The following DNAH6 variants were observed in gnomAD, a reference collection of about 807,000 sequenced individuals.
The protein encoded by DNAH6 is dynein axonemal heavy chain 6, also known as axonemal beta dynein heavy chain 6.
In DNAH6, 340 loss-of-function variants were observed where a neutral mutation model predicts 491.4. The observed-to-expected ratio is 0.69, with a 90% CI of 0.63 to 0.76. DNAH6 has a LOEUF of 0.76. DNAH6 is among the 30% of genes least tolerant of loss of function. DNAH6 has a pLI of 0.00. For synonymous variants in DNAH6, 1,603 were observed against 1,686.1 expected, an observed-to-expected ratio of 0.95 and a Z score of 1.21; for missense variants, 4,443 against 4,972.2, an observed-to-expected ratio of 0.89 and a Z score of 3.20.
intron 33 of DNAH6, among the ~76,000 whole-genome samples, chr2:84,652,733 ATTTAGCT>A (rs1249219902): frequency 1.3e-5 from 2 of 152,076 alleles, no homozygotes; most frequent in Non-Finnish European, 2.9e-5. Context: ...TGAGGTAAAG[ATTTAGCT>A]TCTTTTTTCC....
In DNAH6 at chr2:84,621,365, A is replaced by G. The variant is rs1687378090; in HGVS notation, c.3957+10A>G. On this transcript the variant is annotated intron_variant, in intron 25 of 76. Coordinates refer to ENST00000389394, the MANE Select transcript of DNAH6 (RefSeq NM_001370.2). ...TGGCCACCCTTCTCAAGTAACTCAC[A>G]CTCACATTTCATATCCCTGAATTCT... is the stretch of plus-strand genomic sequence containing the variant. The G allele has an allele frequency of 3.2e-6, 5 of 1,550,838 alleles. No homozygotes were observed. The highest frequency in any genetic ancestry group is 3.5e-6 in the Non-Finnish European group (4 of 1,146,432).
At position 84,619,914 on chromosome 2, in the gene DNAH6, T is replaced by C; in HGVS notation, c.3792+10T>C. ...ACCAGAGGGAGAAAGGGTGAGGTGC[T>C]TTTATTTATATTTCTTTATTGATGA... On this transcript the variant is annotated intron_variant, in intron 24 of 76. Transcript: ENST00000389394. 1 of 1,543,592 alleles carries C rather than the reference T, an allele frequency of 6.5e-7. No homozygotes were observed. The highest frequency in any genetic ancestry group is 1.2e-5 in the South Asian group (1 of 83,730).
intron 30 of DNAH6, among the ~76,000 whole-genome samples, chr2:84,635,589 TA>T (rs1445920053): frequency 2.0e-5 from 3 of 151,926 alleles, no homozygotes; most frequent in Non-Finnish European, 4.4e-5. Flanking sequence ...GTATATGGAG[TA>T]AGGGGACAGG....
At chr2:84,628,318 T>G (rs1252384852) in intron 29 of DNAH6, among the ~76,000 whole-genome samples, 1 of 152,202 alleles carries the variant, frequency 6.6e-6, no homozygotes, top group Non-Finnish European at 1.5e-5. Flanking sequence ...TAAATGTCCC[T>G]TCATGTGTGG....
At chr2:84,575,075 T>C (rs1682288936) in intron 12 of DNAH6, among the ~76,000 whole-genome samples, 2 of 152,142 alleles carry the variant, frequency 1.3e-5, no homozygotes, top group African/African-American at 2.4e-5. Context: ...CTAACCTCTG[T>C]GCTCCTCCTC....
chr2:84,734,568 TG>T (rs1243705058), intron 62 of DNAH6, among the ~76,000 whole-genome samples: 2 of 152,230 alleles, frequency 1.3e-5, no homozygotes, highest in Non-Finnish European at 2.9e-5. Flanking sequence ...GTGCATGTTT[TG>T]TTTATATAAA....
At chr2:84,473,333 TA>T in the DNAH6 span, among the ~76,000 whole-genome samples, 1 of 152,234 alleles carries the variant, frequency 6.6e-6, no homozygotes, top group Admixed American at 6.5e-5. Flanking sequence ...TTGCTTGTCC[TA>T]CTAGCACAGC....
chr2:84,803,279 T>C (rs574913418), intron 70 of DNAH6, among the ~76,000 whole-genome samples: 3 of 152,120 alleles, frequency 2.0e-5, no homozygotes, highest in East Asian at 1.9e-4. Flanking sequence ...ATGGGAACAA[T>C]AGACCCTGGG....
intron 64 of DNAH6, among the ~76,000 whole-genome samples, chr2:84,769,616 G>A (rs1675424804): frequency 6.6e-6 from 1 of 152,048 alleles, no homozygotes; most frequent in Non-Finnish European, 1.5e-5. Flanking sequence ...TGTTTGTTTT[G>A]GCCTGTCTGG....
At chr2:84,596,781 A>G (rs1266033291) in intron 18 of DNAH6, among the ~76,000 whole-genome samples, 1 of 152,122 alleles carries the variant, frequency 6.6e-6, no homozygotes, top group Admixed American at 6.5e-5. Flanking sequence ...CCTTTAGCTT[A>G]CAATATCTAG....
chr2:84,688,617 T>C lies in DNAH6; in HGVS notation c.7292+24T>C, dbSNP rs542734659. Reference sequence around the variant, plus strand: ...AGGTATAGTGCTATAAGGCGCCCAATAATGCATTGATTTAATATTTTTTGT... The same window carrying C: ...AGGTATAGTGCTATAAGGCGCCCAACAATGCATTGATTTAATATTTTTTGT... On this transcript the variant is annotated intron_variant, in intron 45 of 76. Transcript: ENST00000389394. 1.2e-5 allele frequency: 18 copies of C among 1,494,730 alleles called. No homozygotes were observed. The Admixed American group carries it at 4.8e-4, about 40-fold the overall frequency. The allele number at this position is 1,494,730 out of a possible 1,614,324, so 92.6% of individuals were successfully genotyped here.
intron 63 of DNAH6, among the ~76,000 whole-genome samples, chr2:84,760,937 C>T (rs1452058031): frequency 6.6e-6 from 1 of 152,056 alleles, no homozygotes; most frequent in Non-Finnish European, 1.5e-5. Flanking sequence ...GTAAAAAGAA[C>T]TATCATTTGA....
intron 10 of DNAH6, among the ~76,000 whole-genome samples, chr2:84,556,759 GA>G (rs1485703871): frequency 6.6e-6 from 1 of 152,192 alleles, no homozygotes; most frequent in Non-Finnish European, 1.5e-5. Context: ...TACAGAGATA[GA>G]TATAGATACA....
the DNAH6 span, among the ~76,000 whole-genome samples, chr2:84,480,824 A>G: frequency 2.0e-5 from 3 of 152,134 alleles, no homozygotes; most frequent in Non-Finnish European, 4.4e-5. Context: ...TTAGCTGAGC[A>G]TGGTGACAGG....
intron 22 of DNAH6, 38 bp downstream of exon 22, chr2:84,611,892 A>G (rs1253003278): frequency 4.6e-6 from 7 of 1,513,908 alleles, no homozygotes; most frequent in Non-Finnish European, 5.4e-6. Flanking sequence ...AAAGACTACA[A>G]TCTTTTAGTA....
chr2:84,786,853 A>T (rs62162771), intron 67 of DNAH6, among the ~76,000 whole-genome samples: 1 of 152,162 alleles, frequency 6.6e-6, no homozygotes, highest in Non-Finnish European at 1.5e-5. Flanking sequence ...ACTGTAGGTG[A>T]AATTTTTTTT....
intron 11 of DNAH6, among the ~76,000 whole-genome samples, chr2:84,562,679 G>C (rs115700979): frequency 2.5e-3 from 378 of 152,300 alleles, no homozygotes; most frequent in African/African-American, 8.6e-3. Flanking sequence ...ATAAAGTTCA[G>C]AGGAAACCAG....
Position 84,761,358 on chromosome 2 carries a change from A to C in DNAH6, c.10513-1397A>C, listed in dbSNP as rs1674563261. ...GGAAGGGGATGGAGGATAAAAAAAA[A>C]ATTACTTAATGAGCACAGTGTACAT... On this transcript the variant is annotated intron_variant, in intron 63 of 76. Coordinates refer to ENST00000389394, the MANE Select transcript of DNAH6 (RefSeq NM_001370.2). Among the ~76,000 whole-genome samples, 2 of 152,048 alleles carry C rather than the reference A, an allele frequency of 1.3e-5. 1 individual carries two copies. Among genetic ancestry groups the C allele is most frequent in the East Asian group, 3.8e-4 (2 of 5,196 alleles).
At chr2:84,715,454 C>A in intron 57 of DNAH6, 106 bp from the exon 58 acceptor site, 2 of 1,035,752 alleles carry the variant, frequency 1.9e-6, no homozygotes, top group Admixed American at 2.1e-5. Flanking sequence ...TGCAATTAGA[C>A]CTGAGATACA....
Sources: allele counts gnomAD v4.1 joint callset (sites outside exome capture counted in the v4.1 genomes callset), GRCh38; gene constraint gnomAD v4.1.1; transcripts MANE v1.5; gene names NCBI Gene and HGNC (gene_info 2026-07-23, HGNC 2026-07-21).